The following CAPRIN2 variants were observed in gnomAD, a reference collection of about 807,000 sequenced individuals.
CAPRIN2 encodes the protein caprin-2.
A neutral mutation model predicts 130.4 loss-of-function variants in CAPRIN2; 66 were observed. The observed-to-expected ratio is 0.51, with a 90% CI of 0.42 to 0.62. The LOEUF (loss-of-function observed/expected upper bound fraction) is 0.62. CAPRIN2 is among the 20% of genes least tolerant of loss of function. The pLI, the probability that CAPRIN2 is intolerant of heterozygous loss-of-function variation, is 0.00. For synonymous variants in CAPRIN2, 471 were observed against 444.1 expected (o/e 1.06, Z -0.76); for missense variants, 1,185 against 1,246.6 (o/e 0.95, Z 0.74).
intron 10 of CAPRIN2, 93 bp downstream of exon 11, chr12:30,724,277 G>A: frequency 1.3e-6 from 1 of 783,716 alleles, no homozygotes; most frequent in Non-Finnish European, 2.2e-6. Context: ...CAACATATTA[G>A]GACATCTAAA....
chr12:30,751,979 C>G (rs1012810117), intron 1 of CAPRIN2, among the ~76,000 whole-genome samples: 1 of 137,116 alleles, frequency 7.3e-6, no homozygotes, highest in Non-Finnish European at 1.5e-5. Flanking sequence ...AGTGCAGTGT[C>G]GCGATCTCGG....
At chr12:30,739,399 C>T (rs781590927) in intron 3 of CAPRIN2, among the ~76,000 whole-genome samples, 11 of 152,072 alleles carry the variant, frequency 7.2e-5, no homozygotes, top group Non-Finnish European at 1.6e-4. Flanking sequence ...ACTGGAGCCA[C>T]TTGAGGGTGG....
chr12:30,711,434 T>G, intron 16 of CAPRIN2, 132 bp downstream of exon 18: 3 of 714,232 alleles, frequency 4.2e-6, no homozygotes, highest in Non-Finnish European at 7.3e-6. Flanking sequence ...TAGTACTACA[T>G]TCAAGCAAAT....
At chr12:30,716,576 G>C (rs779041426) in exon 13 of CAPRIN2, 45 of 1,613,848 alleles carry the variant, frequency 2.8e-5, no homozygotes, top group Non-Finnish European at 3.7e-5. Context: ...TGGTGTTTGT[G>C]TACTTGCTGT....
chr12:30,754,732 C>A (rs2075508758), upstream of CAPRIN2: 1 of 153,950 alleles, frequency 6.5e-6, no homozygotes, highest in South Asian at 1.8e-4. Flanking sequence ...CGACCGAGGC[C>A]GCCGCAGCCC....
chr12:30,716,383 T>C (rs569923130), intron 13 of CAPRIN2, 125 bp downstream of exon 15: 19 of 841,500 alleles, frequency 2.3e-5, no homozygotes, highest in Non-Finnish European at 3.4e-5. Flanking sequence ...GAGGAACATG[T>C]AAAGAAATAA....
At chr12:30,741,199 A>C in intron 2 of CAPRIN2, 93 bp from the exon 4 acceptor site, 2 of 681,592 alleles carry the variant, frequency 2.9e-6, no homozygotes, top group Middle Eastern at 7.5e-4. Context: ...AAGAGATTTA[A>C]GATCTTATGG....
chr12:30,742,212 G>T (rs772470972), intron 2 of CAPRIN2, among the ~76,000 whole-genome samples: 2 of 151,964 alleles, frequency 1.3e-5, no homozygotes, highest in Non-Finnish European at 2.9e-5. Flanking sequence ...GCTTAGAATG[G>T]GTTTACTTTG....
intron 3 of CAPRIN2, among the ~76,000 whole-genome samples, chr12:30,736,799 GAA>G (rs2065034084): frequency 6.6e-6 from 1 of 152,118 alleles, no homozygotes; most frequent in Admixed American, 6.5e-5. Context: ...CTTGAGAGAA[GAA>G]AAGAGGACGG....
At chr12:30,730,172 T>C (rs1053447251) in intron 7 of CAPRIN2, 67 bp downstream of exon 8, 15 of 1,326,166 alleles carry the variant, frequency 1.1e-5, no homozygotes, top group Non-Finnish European at 1.6e-5. Flanking sequence ...GAGCCTTAGC[T>C]TCCAACCATA....
intron 2 of CAPRIN2, among the ~76,000 whole-genome samples, chr12:30,745,392 A>G (rs2069543905): frequency 6.6e-6 from 1 of 152,188 alleles, no homozygotes; most frequent in Admixed American, 6.5e-5. Flanking sequence ...ACTTCATTAG[A>G]CATTCTTTTT....
At chr12:30,740,879 C>A in intron 3 of CAPRIN2, 141 bp downstream of exon 4, 1 of 583,282 alleles carries the variant, frequency 1.7e-6, no homozygotes, top group South Asian at 2.5e-5. Context: ...CAGTTATCCT[C>A]AACCTTCCAT....
intron 4 of CAPRIN2, 50 bp from the exon 6 acceptor site, chr12:30,733,761 A>G (rs2063519135): frequency 1.7e-6 from 2 of 1,210,278 alleles, no homozygotes; most frequent in Non-Finnish European, 2.5e-6. Context: ...AAGTACATAT[A>G]TATGGAGCAG....
At chr12:30,739,910 T>C (rs915159437) in intron 3 of CAPRIN2, among the ~76,000 whole-genome samples, 1 of 152,004 alleles carries the variant, frequency 6.6e-6, no homozygotes, top group African/African-American at 2.4e-5. Flanking sequence ...ATTAGAAAAA[T>C]ATAGGCCTGA....
intron 4 of CAPRIN2, among the ~76,000 whole-genome samples, chr12:30,734,641 TATA>T (rs1286499611): frequency 6.6e-6 from 1 of 152,094 alleles, no homozygotes; most frequent in Non-Finnish European, 1.5e-5. Context: ...TAGAAATAGA[TATA>T]ATATTATACT....
At position 30,710,279 on chromosome 12, in the gene CAPRIN2, C is replaced by T. The variant is rs1173720763; in HGVS notation, c.2857G>A (p.Ala953Thr). The change falls in exon 17 of 17, where the codon GCC becomes ACC. Residue 953 changes from alanine to threonine, a missense_variant. Transcript: ENST00000298892. The surrounding 1 kb of genome is among the most constrained non-coding windows in gnomAD (Gnocchi z 4.8). ...CCAGGGGCCAGATTAGAGGTTCTGG[C>T]TGCTGAGAAGGCAACTCGCATCTGC... 2 of 1,614,166 alleles carry T rather than the reference C, an allele frequency of 1.2e-6. No homozygotes were observed. The highest frequency in any genetic ancestry group is 2.2e-5 in the East Asian group (1 of 44,866).
chr12:30,754,869 T>C (rs1424581261), upstream of CAPRIN2: 1 of 152,012 alleles, frequency 6.6e-6, no homozygotes, highest in African/African-American at 2.4e-5. Context: ...CTCCTCCTCC[T>C]GTCTCCTCCC....
In CAPRIN2 at chr12:30,720,805, T is replaced by C. The variant is rs752691194; in HGVS notation, c.2148+6A>G. The stretch of plus-strand genomic sequence containing the variant: ...ACAAAAGAAATTAAGACAATTGGTC[T>C]TTTACCTCAGGAGTCTCTGAGGTCA... On this transcript the variant is annotated splice_donor_region_variant and intron_variant, in intron 12 of 16. Transcript: ENST00000298892. 1 of 1,548,336 alleles carries C rather than the reference T, an allele frequency of 6.5e-7. No individual in the cohort carries two copies. Among genetic ancestry groups the C allele is most frequent in the East Asian group, 2.3e-5 (1 of 44,442 alleles).
chr12:30,716,425 G>T, intron 13 of CAPRIN2, 83 bp downstream of exon 15: 1 of 1,232,720 alleles, frequency 8.1e-7, no homozygotes, highest in Non-Finnish European at 1.2e-6. Context: ...CTTCTAAAGT[G>T]TCACTACAGA....
Sources: gnomAD v4.1 joint callset for allele counts (sites outside exome capture counted in the v4.1 genomes callset) on GRCh38, gnomAD v4.1.1 for gene constraint, Gnocchi (gnomAD v3.1) non-coding constraint, MANE v1.5 for transcripts, NCBI Gene and HGNC (gene_info 2026-07-23, HGNC 2026-07-21) for gene names.